The following TMEM181 variants were observed in gnomAD, a reference collection of about 807,000 sequenced individuals.
TMEM181 encodes transmembrane protein 181.
In TMEM181, 39 loss-of-function variants were observed where a neutral mutation model predicts 71.9. The observed-to-expected ratio is 0.54, with a 90% CI of 0.42 to 0.71. The LOEUF (loss-of-function observed/expected upper bound fraction) is 0.71. Among genes scored for constraint, TMEM181 ranks in the 30% least tolerant of loss-of-function variants. The pLI, the probability that TMEM181 is intolerant of heterozygous loss-of-function variation, is 0.00. For synonymous variants in TMEM181, 245 were observed against 228.8 expected (o/e 1.07, Z -0.64); for missense variants, 595 against 583.0 (o/e 1.02, Z -0.21).
At chr6:158,608,574 GC>G in intron 9 of TMEM181, 84 bp from the exon 10 acceptor site, 1 of 1,598,006 alleles carries the variant, frequency 6.3e-7, no homozygotes, top group East Asian at 2.2e-5. Flanking sequence ...CTGTCTGCAG[GC>G]CCATACTCAA....
intron 1 of TMEM181, among the ~76,000 whole-genome samples, chr6:158,571,484 G>C (rs62437803): frequency 8.8e-6 from 1 of 113,190 alleles, no homozygotes; most frequent in East Asian, 2.0e-4. Flanking sequence ...ATTTTTAGTA[G>C]AGACGGGGTT....
intron 1 of TMEM181, among the ~76,000 whole-genome samples, chr6:158,566,916 A>G (rs1041626145): frequency 6.6e-6 from 1 of 152,206 alleles, no homozygotes; most frequent in Non-Finnish European, 1.5e-5. Flanking sequence ...GGTGATTTGC[A>G]TTATGGATGC....
At chr6:158,628,223 A>C in intron 13 of TMEM181, 185 bp from the exon 14 acceptor site, 3 of 710,716 alleles carry the variant, frequency 4.2e-6, no homozygotes, top group Non-Finnish European at 7.6e-6. Context: ...AACCAGAAGC[A>C]GGGGCTGTGT....
At chr6:158,543,714 G>A (rs1781431562) in intron 1 of TMEM181, among the ~76,000 whole-genome samples, 6 of 152,086 alleles carry the variant, frequency 3.9e-5, no homozygotes, top group Admixed American at 2.0e-4. Flanking sequence ...CTGGATTTAG[G>A]GCCCGCCTTA....
At chr6:158,541,760 C>G (rs928903691) in intron 1 of TMEM181, among the ~76,000 whole-genome samples, 2 of 152,192 alleles carry the variant, frequency 1.3e-5, no homozygotes, top group South Asian at 2.1e-4. Flanking sequence ...GTAAGCATAT[C>G]AGAGGGCCTC....
rs566733365 is a variant in TMEM181 at position 158,552,570 on chromosome 6, C to T, written c.131+15705C>T. Among the ~76,000 whole-genome samples the T allele has an allele frequency of 1.1e-4, 17 of 152,292 alleles. No individual in the cohort carries two copies. In the South Asian group the frequency reaches 1.2e-3, roughly 11 times the overall value. On this transcript the variant is annotated intron_variant, in intron 1 of 16. Coordinates refer to the TMEM181 transcript ENST00000367090. Reference sequence around the variant, plus strand: ...ACACTGGAGGAAAAGATTGCTGCTTCAGGTCTTCAAGATAAACATTTTAGC... The same window carrying T: ...ACACTGGAGGAAAAGATTGCTGCTTTAGGTCTTCAAGATAAACATTTTAGC...
At chr6:158,595,710 T>G (rs1784351175) in intron 6 of TMEM181, among the ~76,000 whole-genome samples, 1 of 152,186 alleles carries the variant, frequency 6.6e-6, no homozygotes, top group Non-Finnish European at 1.5e-5. Context: ...TCCATTTATA[T>G]AAATTACAAA....
chr6:158,629,697 C>T (rs1298757406), intron 14 of TMEM181, 33 bp from the exon 15 acceptor site: 46 of 1,552,824 alleles, frequency 3.0e-5, no homozygotes, highest in Non-Finnish European at 4.0e-5. Context: ...CTGATGTGTC[C>T]AGATGCCGCG....
chr6:158,578,953 CAA>C (rs1033154162), intron 2 of TMEM181, among the ~76,000 whole-genome samples: 9 of 152,174 alleles, frequency 5.9e-5, no homozygotes, highest in East Asian at 1.9e-4. Flanking sequence ...TGTATATACT[CAA>C]GAGATTTGAA....
chr6:158,547,125 C>T (rs968137984), intron 1 of TMEM181, among the ~76,000 whole-genome samples: 1 of 152,152 alleles, frequency 6.6e-6, no homozygotes, highest in Non-Finnish European at 1.5e-5. Context: ...CTACAAAAAA[C>T]ACAGGAATTA....
chr6:158,545,861 C>T (rs1174804280), intron 1 of TMEM181, among the ~76,000 whole-genome samples: 1 of 152,050 alleles, frequency 6.6e-6, no homozygotes, highest in Non-Finnish European at 1.5e-5. Flanking sequence ...TTTTAATACA[C>T]CCCCATGGCT....
chr6:158,626,092 C>T (rs1786259936), intron 13 of TMEM181, among the ~76,000 whole-genome samples: 1 of 152,220 alleles, frequency 6.6e-6, no homozygotes, highest in African/African-American at 2.4e-5. Flanking sequence ...CTTGGGGTGC[C>T]CCAGGGACAG....
chr6:158,560,036 C>T (rs1377403307), upstream of TMEM181: 5 of 985,066 alleles, frequency 5.1e-6, no homozygotes, highest in East Asian at 1.1e-4. Flanking sequence ...GCGCCGCGCC[C>T]TCTTCCGCCG....
rs1783989504 is a variant in TMEM181, at chr6:158,589,649, C to T, written c.382-23C>T. On this transcript the variant is annotated intron_variant, in intron 5 of 16. Transcript: ENST00000684151. ...GCGTGAGTCTCGCTTTCTTTAAAGG[C>T]AAATCTTTCTGTGTATTTGCAGAAA... 1.9e-6 allele frequency: 3 copies of T among 1,593,660 alleles called. No homozygotes were observed. The African/African-American group carries it at 4.0e-5, about 21-fold the overall frequency.
chr6:158,630,745 G>A (rs1786613460), intron 15 of TMEM181, among the ~76,000 whole-genome samples: 1 of 149,130 alleles, frequency 6.7e-6, no homozygotes. Flanking sequence ...CATACAAAAA[G>A]TCACCTAATA....
At chr6:158,628,564 C>A in intron 14 of TMEM181, 74 bp downstream of exon 14, 3 of 1,393,086 alleles carry the variant, frequency 2.2e-6, no homozygotes, top group Non-Finnish European at 1.0e-6. Context: ...CTCAGATTTG[C>A]CCCTCTCAAG....
At chr6:158,570,301 C>G (rs1320018736) in intron 1 of TMEM181, among the ~76,000 whole-genome samples, 1 of 150,050 alleles carries the variant, frequency 6.7e-6, no homozygotes, top group African/African-American at 2.5e-5. Context: ...GGTGCAATCT[C>G]AGCTCAATGC....
chr6:158,576,428 C>T (rs1783157983), intron 2 of TMEM181, among the ~76,000 whole-genome samples: 1 of 152,130 alleles, frequency 6.6e-6, no homozygotes, highest in African/African-American at 2.4e-5. Context: ...GCAAGCCCCT[C>T]CCCCGCTGGC....
chr6:158,568,193 GAGAAAGGGTGGAGGC>G (rs778250583), intron 1 of TMEM181, among the ~76,000 whole-genome samples: 3 of 152,174 alleles, frequency 2.0e-5, no homozygotes, highest in Admixed American at 2.0e-4. Flanking sequence ...TACGAGAATG[GAGAAAGGGTGGAGGC>G]AGGAAGTGGG....
Sources: gnomAD v4.1 joint callset for allele counts (sites outside exome capture counted in the v4.1 genomes callset) on GRCh38, gnomAD v4.1.1 for gene constraint, MANE v1.5 for transcripts, NCBI Gene and HGNC (gene_info 2026-07-23, HGNC 2026-07-21) for gene names.